Variants in AFF3 observed in about 807,000 individuals in gnomAD.
AFF3 encodes ALF transcription elongation factor 3, also known as AF4/FMR2 family member 3.
AFF3 carries 32 observed loss-of-function variants against 129.7 expected under a neutral mutation model. That is an observed-to-expected ratio of 0.25 (90% CI 0.19 to 0.33). The LOEUF (loss-of-function observed/expected upper bound fraction) is 0.33, where lower values mean the gene tolerates loss of function less well. AFF3 is among the 10% of genes least tolerant of loss of function. The pLI, the probability that AFF3 is intolerant of heterozygous loss-of-function variation, is 1.00. For synonymous variants in AFF3, 644 were observed against 635.4 expected (o/e 1.01, Z -0.20); for missense variants, 1,373 against 1,592.0 (o/e 0.86, Z 2.34).
intron 2 of AFF3, among the ~76,000 whole-genome samples, chr2:100,127,499 G>A (rs759496964): frequency 1.2e-4 from 19 of 152,124 alleles, no homozygotes; most frequent in Non-Finnish European, 2.5e-4. Context: ...GGTTCCTTGC[G>A]GTCACTTCCT....
intron 8 of AFF3, among the ~76,000 whole-genome samples, chr2:99,759,762 G>C (rs918466500): frequency 6.6e-6 from 1 of 152,156 alleles, no homozygotes; most frequent in Non-Finnish European, 1.5e-5. Flanking sequence ...TGTAATTTAT[G>C]AGGTACAATG....
chr2:99,552,648 G>T (rs745716368), intron 24 of AFF3, among the ~76,000 whole-genome samples: 1 of 152,170 alleles, frequency 6.6e-6, no homozygotes, highest in African/African-American at 2.4e-5. Context: ...GGGCAGGGAT[G>T]GGGAGGTGGC....
intron 1 of AFF3, among the ~76,000 whole-genome samples, chr2:100,130,414 C>T (rs948838350): frequency 6.6e-6 from 1 of 152,186 alleles, no homozygotes; most frequent in Non-Finnish European, 1.5e-5. Flanking sequence ...CTGAAGAGTG[C>T]ACCCCATGGG....
chr2:99,885,748 C>G (rs912885890), intron 7 of AFF3, among the ~76,000 whole-genome samples: 39 of 152,272 alleles, frequency 2.6e-4, no homozygotes, highest in African/African-American at 9.1e-4. Flanking sequence ...TGTGCATTCA[C>G]TCCATCATAC....
At chr2:99,977,915 G>A (rs1464357871) in intron 7 of AFF3, among the ~76,000 whole-genome samples, 1 of 152,204 alleles carries the variant, frequency 6.6e-6, no homozygotes, top group Non-Finnish European at 1.5e-5. Flanking sequence ...AGCTCCTCCA[G>A]AAAGAACTCC....
intron 11 of AFF3, among the ~76,000 whole-genome samples, chr2:99,682,874 C>T (rs367899758): frequency 1.6e-4 from 24 of 152,322 alleles, no homozygotes; most frequent in Admixed American, 5.2e-4. Flanking sequence ...ATGGCAGATA[C>T]GAGGTTCTGT....
chr2:99,885,889 A>G (rs1693076857), intron 7 of AFF3, among the ~76,000 whole-genome samples: 1 of 152,152 alleles, frequency 6.6e-6, no homozygotes, highest in African/African-American at 2.4e-5. Flanking sequence ...GAGCTTCTCC[A>G]CCTACCTTCT....
intron 4 of AFF3, among the ~76,000 whole-genome samples, chr2:100,053,504 G>A (rs1340575367): frequency 1.3e-5 from 2 of 152,224 alleles, no homozygotes; most frequent in African/African-American, 2.4e-5. Flanking sequence ...TGTGTAGCTT[G>A]CCTTTCATAG....
chr2:99,684,212 C>T (rs550018058), intron 11 of AFF3, among the ~76,000 whole-genome samples: 2 of 152,206 alleles, frequency 1.3e-5, no homozygotes, highest in Non-Finnish European at 2.9e-5. Context: ...AAGCCATCTG[C>T]CTCCTTGTTC....
intron 7 of AFF3, chr2:100,006,347 G>T (rs566895096): frequency 7.3e-5 from 22 of 300,408 alleles, no homozygotes; most frequent in Non-Finnish European, 1.1e-4. Flanking sequence ...TAGCTATTCA[G>T]AAGAAAATTC....
At chr2:100,040,439 G>A (rs1375721050) in intron 4 of AFF3, among the ~76,000 whole-genome samples, 2 of 152,200 alleles carry the variant, frequency 1.3e-5, no homozygotes, top group Non-Finnish European at 2.9e-5. Flanking sequence ...CATTCCAAAT[G>A]TTCCTGGAGA....
intron 4 of AFF3, among the ~76,000 whole-genome samples, chr2:100,084,285 G>A (rs543853632): frequency 3.9e-5 from 6 of 152,326 alleles, no homozygotes; most frequent in Admixed American, 3.9e-4. Flanking sequence ...AACACATTGT[G>A]CACTTAACTG....
At chr2:99,851,227 A>T (rs1329586255) in intron 7 of AFF3, among the ~76,000 whole-genome samples, 1 of 152,236 alleles carries the variant, frequency 6.6e-6, no homozygotes, top group Non-Finnish European at 1.5e-5. Flanking sequence ...AATGCTTCTT[A>T]CAAGACAGGC....
chr2:99,950,060 A>G (rs1675998296), intron 7 of AFF3, among the ~76,000 whole-genome samples: 1 of 152,212 alleles, frequency 6.6e-6, no homozygotes, highest in South Asian at 2.1e-4. Flanking sequence ...CAACAAAGGA[A>G]TTCTAAAACA....
rs367795834 is a variant in AFF3 at position 99,823,976 on chromosome 2, C to T, written c.921+13501G>A. ...CGGCAGGGGCTGAAAAACCACCGAT[C>T]GGATATACCCAGGCTCACTACCTAG... On this transcript the variant is annotated intron_variant, in intron 8 of 24. Transcript: ENST00000672756. Among the ~76,000 whole-genome samples, 43 of 152,180 alleles carry T rather than the reference C, an allele frequency of 2.8e-4. 1 individual carries two copies. Among genetic ancestry groups the T allele is most frequent in the East Asian group, 2.1e-3 (11 of 5,176 alleles).
intron 13 of AFF3, among the ~76,000 whole-genome samples, chr2:99,609,428 T>C (rs1430460882): frequency 1.3e-5 from 2 of 152,176 alleles, no homozygotes; most frequent in Admixed American, 6.6e-5. Context: ...ATCATTCTTA[T>C]GCCTTTGCAT....
In AFF3 at chr2:99,551,398, TTTCA is replaced by T. The variant is rs998884233; in HGVS notation, c.*72_*75del. On this transcript the variant is annotated 3_prime_UTR_variant, in exon 25 of 25. Coordinates refer to ENST00000672756, the MANE Select transcript of AFF3 (RefSeq NM_001386135.1). ...GTCTGATAAATGCTGTGGCTGGGAGTTTCAGTAGCACAGTGTCCAAAAACGTTGA... is the reference window on the plus strand; with the variant it reads ...GTCTGATAAATGCTGTGGCTGGGAGTGTAGCACAGTGTCCAAAAACGTTGA... 6.4e-7 allele frequency: 1 copy of T among 1,571,416 alleles called. No homozygotes were observed. Among genetic ancestry groups the T allele is most frequent in the Non-Finnish European group, 8.7e-7 (1 of 1,153,170 alleles).
intron 13 of AFF3, among the ~76,000 whole-genome samples, chr2:99,645,858 T>C (rs775063575): frequency 1.3e-5 from 2 of 152,172 alleles, no homozygotes; most frequent in Non-Finnish European, 2.9e-5. Flanking sequence ...AATGCCAATT[T>C]AGAAAATAAA....
chr2:99,990,100 G>A (rs1223728642), intron 7 of AFF3, among the ~76,000 whole-genome samples: 1 of 152,134 alleles, frequency 6.6e-6, no homozygotes, highest in Non-Finnish European at 1.5e-5. Flanking sequence ...ATTATCAAGG[G>A]CCTTACATGA....
Sources: allele counts gnomAD v4.1 joint callset (sites outside exome capture counted in the v4.1 genomes callset), GRCh38; gene constraint gnomAD v4.1.1; transcripts MANE v1.5; gene names NCBI Gene and HGNC (gene_info 2026-07-23, HGNC 2026-07-21).